TMTC2: variants seen among roughly 807,000 people sequenced by gnomAD.
The protein encoded by TMTC2 is protein O-mannosyl-transferase TMTC2.
In TMTC2, 43 loss-of-function variants were observed where a neutral mutation model predicts 82.4. The ratio of observed to expected loss-of-function variants is 0.52; its 90% CI spans 0.41 to 0.67. The LOEUF (loss-of-function observed/expected upper bound fraction) is 0.67. Among genes scored for constraint, TMTC2 ranks in the 30% least tolerant of loss-of-function variants. TMTC2 has a pLI of 0.00. For synonymous variants in TMTC2, 408 were observed against 381.9 expected (o/e 1.07, Z -0.80); for missense variants, 919 against 1,012.4 (o/e 0.91, Z 1.25).
At chr12:82,744,099 C>G (rs1365832743) in intron 1 of TMTC2, among the ~76,000 whole-genome samples, 1 of 151,886 alleles carries the variant, frequency 6.6e-6, no homozygotes, top group Non-Finnish European at 1.5e-5. Context: ...AAAACGAGAC[C>G]CCAAGAAAAG....
intron 1 of TMTC2, among the ~76,000 whole-genome samples, chr12:82,797,101 T>C (rs148169032): frequency 7.7e-4 from 118 of 152,302 alleles, no homozygotes; most frequent in South Asian, 2.7e-3. Flanking sequence ...GTTCATACTT[T>C]ACATTGTTCG....
At chr12:82,927,990 G>C (rs1875820886) in intron 3 of TMTC2, among the ~76,000 whole-genome samples, 1 of 152,106 alleles carries the variant, frequency 6.6e-6, no homozygotes, top group South Asian at 2.1e-4. Context: ...GTGGTTGTCT[G>C]GGCCTAAACC....
intron 11 of TMTC2, among the ~76,000 whole-genome samples, chr12:83,116,305 T>C (rs915089213): frequency 2.6e-5 from 4 of 152,222 alleles, no homozygotes; most frequent in Non-Finnish European, 5.9e-5. Flanking sequence ...TGTGTATATA[T>C]ATATACCACA....
chr12:82,929,062 GT>G (rs1875876595), intron 3 of TMTC2, among the ~76,000 whole-genome samples: 1 of 151,838 alleles, frequency 6.6e-6, no homozygotes, highest in Admixed American at 6.6e-5. Flanking sequence ...CACTGTGTTT[GT>G]TTTTTTGTTT....
At chr12:82,929,437 G>C (rs891150055) in intron 3 of TMTC2, among the ~76,000 whole-genome samples, 1 of 152,148 alleles carries the variant, frequency 6.6e-6, no homozygotes, top group Non-Finnish European at 1.5e-5. Flanking sequence ...CCACTTTACA[G>C]ATAAAGTAAA....
At chr12:83,016,323 T>C (rs2137395327) in intron 8 of TMTC2, among the ~76,000 whole-genome samples, 1 of 152,316 alleles carries the variant, frequency 6.6e-6, no homozygotes, top group South Asian at 2.1e-4. Flanking sequence ...GATAGCCCTT[T>C]GCTTTGATGC....
In TMTC2 at chr12:82,987,832, G is replaced by A. The variant is rs140761352; in HGVS notation, c.2070+1786G>A. ...GTTTGTCCACAAGTATAAGAAGGCA[G>A]CGTGAATATTTGCCTATCTCAGAAT... On this transcript the variant is annotated intron_variant, in intron 8 of 11. Coordinates refer to ENST00000321196, the MANE Select transcript of TMTC2 (RefSeq NM_152588.3). Among the ~76,000 whole-genome samples the A allele has an allele frequency of 5.6e-4, 85 of 152,240 alleles. 1 individual carries two copies. The East Asian group carries it at 0.015, about 26-fold the overall frequency.
chr12:83,012,379 T>A (rs1264554777), intron 8 of TMTC2, among the ~76,000 whole-genome samples: 3 of 152,194 alleles, frequency 2.0e-5, no homozygotes, highest in Non-Finnish European at 1.5e-5. Flanking sequence ...TTAAGTGGGT[T>A]AAAGTAAGTA....
At chr12:82,817,042 A>T (rs1023782741) in intron 1 of TMTC2, among the ~76,000 whole-genome samples, 1 of 146,268 alleles carries the variant, frequency 6.8e-6, no homozygotes, top group Non-Finnish European at 1.5e-5. Flanking sequence ...ATCTCGGCTC[A>T]CTGTAACCTC....
chr12:83,097,065 G>C lies in TMTC2; in HGVS notation c.2332-35145G>C, dbSNP rs34559656. ...ATACTTTACATGTGGTCCAGTGTCT[G>C]TCCATGGTAAGTGCTGAATAAATAC... On this transcript the variant is annotated intron_variant, in intron 11 of 11. Coordinates refer to ENST00000321196, the MANE Select transcript of TMTC2 (RefSeq NM_152588.3). Among the ~76,000 whole-genome samples, 471 of 152,260 alleles carry C rather than the reference G, an allele frequency of 3.1e-3. 2 individuals are homozygous for C. Among genetic ancestry groups the C allele is most frequent in the Non-Finnish European group, 4.7e-3 (322 of 68,024 alleles).
In TMTC2 at chr12:82,937,730, A is replaced by ATG. The variant is rs1479455766; in HGVS notation, c.1598+7205_1598+7206dup. On this transcript the variant is annotated intron_variant, in intron 4 of 11. Transcript: ENST00000321196. The stretch of plus-strand genomic sequence containing the variant: ...TGTGTGTGTGTGTGTGTGTGTGTGG[A>ATG]TGTGTGTGTGTGTGTGTGTGTATAT... Among the ~76,000 whole-genome samples the ATG allele has an allele frequency of 3.3e-3, 88 of 26,436 alleles. No homozygotes were observed. The East Asian group carries it at 0.042, about 13-fold the overall frequency. 17.3% of individuals were successfully genotyped at this position (26,436 alleles called of 152,430 possible). A position where few individuals can be genotyped will look rare whatever the true frequency, so the allele number is the denominator to read the frequency against.
chr12:82,760,823 A>G (rs1340037933), intron 1 of TMTC2: 2 of 412,458 alleles, frequency 4.8e-6, no homozygotes, highest in Admixed American at 2.6e-5. Context: ...CATACTTGTT[A>G]TGAAAATCTA....
intron 2 of TMTC2, among the ~76,000 whole-genome samples, chr12:82,879,058 A>G (rs1020337012): frequency 6.6e-6 from 1 of 152,154 alleles, no homozygotes; most frequent in Non-Finnish European, 1.5e-5. Flanking sequence ...ATGTTCTCCA[A>G]TGTTCTGGAT....
intron 1 of TMTC2, among the ~76,000 whole-genome samples, chr12:82,726,390 CT>C (rs1874447950): frequency 6.6e-6 from 1 of 152,124 alleles, no homozygotes; most frequent in Admixed American, 6.5e-5. Context: ...ACTTGTGGTT[CT>C]TTTTCCTAGC....
At chr12:82,758,486 T>C (rs930371334) in intron 1 of TMTC2, 1 of 152,176 alleles carries the variant, frequency 6.6e-6, no homozygotes, top group Middle Eastern at 3.2e-3. Flanking sequence ...GTATAAAACT[T>C]TGAAGAACAA....
At chr12:83,002,725 G>T (rs1407980339) in intron 8 of TMTC2, among the ~76,000 whole-genome samples, 1 of 150,936 alleles carries the variant, frequency 6.6e-6, no homozygotes, top group African/African-American at 2.4e-5. Flanking sequence ...GACCTTCTTG[G>T]TATTGATTTC....
intron 3 of TMTC2, among the ~76,000 whole-genome samples, chr12:82,929,990 T>C (rs906728484): frequency 3.3e-5 from 5 of 152,178 alleles, no homozygotes; most frequent in African/African-American, 9.6e-5. Flanking sequence ...TTAGTTTTTT[T>C]GCTTTTCATC....
intron 2 of TMTC2, among the ~76,000 whole-genome samples, chr12:82,891,685 T>C (rs1368501522): frequency 6.6e-6 from 1 of 152,102 alleles, no homozygotes; most frequent in Non-Finnish European, 1.5e-5. Flanking sequence ...CTTTGGCTTA[T>C]ACTTTTTTTA....
Position 83,089,768 on chromosome 12 carries a change from T to A in TMTC2, c.2331+27937T>A, listed in dbSNP as rs186964158. Among the ~76,000 whole-genome samples, 55 of 152,184 alleles carry A rather than the reference T, an allele frequency of 3.6e-4. 1 individual carries two copies. The East Asian group carries it at 9.6e-3, about 27-fold the overall frequency. On this transcript the variant is annotated intron_variant, in intron 11 of 11. Coordinates refer to ENST00000321196, the MANE Select transcript of TMTC2 (RefSeq NM_152588.3). ...GTGGATCTCGCATAAGCCATGCCCT[T>A]TTTGTAGACAATGCTGACTCAGGGT...
Sources: gnomAD v4.1 joint callset for allele counts (sites outside exome capture counted in the v4.1 genomes callset) on GRCh38, gnomAD v4.1.1 for gene constraint, MANE v1.5 for transcripts, NCBI Gene and HGNC (gene_info 2026-07-23, HGNC 2026-07-21) for gene names.